Variants in EPC2 observed in about 807,000 individuals in gnomAD.
The protein encoded by EPC2 is enhancer of polycomb 2.
Under a neutral mutation model 92.1 loss-of-function variants are expected in EPC2, and 14 were observed. The ratio of observed to expected loss-of-function variants is 0.15; its 90% CI spans 0.10 to 0.24. The LOEUF (loss-of-function observed/expected upper bound fraction) is 0.24. EPC2 is among the 10% of genes least tolerant of loss of function. The pLI, the probability that EPC2 is intolerant of heterozygous loss-of-function variation, is 1.00. For missense variants in EPC2, 755 were observed against 971.5 expected, an observed-to-expected ratio of 0.78 and a Z score of 2.96; for synonymous variants, 340 against 334.7, an observed-to-expected ratio of 1.02 and a Z score of -0.17.
At chr2:148,766,047 A>G (rs922979617) in intron 7 of EPC2, among the ~76,000 whole-genome samples, 5 of 152,212 alleles carry the variant, frequency 3.3e-5, no homozygotes, top group African/African-American at 1.2e-4. Context: ...AAAACAAACA[A>G]GCAAACAAAA....
intron 4 of EPC2, among the ~76,000 whole-genome samples, chr2:148,761,208 C>G (rs1416589060): frequency 6.6e-6 from 1 of 152,176 alleles, no homozygotes; most frequent in East Asian, 1.9e-4. Flanking sequence ...TGGAGTGTTA[C>G]ATTTACATTG....
At chr2:148,756,923 C>T (rs1683201131) in intron 4 of EPC2, among the ~76,000 whole-genome samples, 1 of 152,092 alleles carries the variant, frequency 6.6e-6, no homozygotes, top group African/African-American at 2.4e-5. Flanking sequence ...GCAGCAAGTA[C>T]AGAACTGTAA....
intron 1 of EPC2, among the ~76,000 whole-genome samples, chr2:148,645,854 G>T (rs1211710684): frequency 6.6e-6 from 1 of 152,240 alleles, no homozygotes; most frequent in East Asian, 1.9e-4. Flanking sequence ...TGCTCCGTGC[G>T]CAACGTTAGA....
intron 3 of EPC2, among the ~76,000 whole-genome samples, chr2:148,746,618 G>A (rs943385567): frequency 6.6e-6 from 1 of 152,072 alleles, no homozygotes; most frequent in African/African-American, 2.4e-5. Context: ...ATGCTATGAA[G>A]ATTATTTTTG....
At chr2:148,671,315 TA>T (rs1247525015) in intron 1 of EPC2, among the ~76,000 whole-genome samples, 1 of 147,372 alleles carries the variant, frequency 6.8e-6, no homozygotes, top group Non-Finnish European at 1.5e-5. Context: ...TTTGTAGCAT[TA>T]AAAAGTCATC....
At chr2:148,710,015 A>C (rs534673373) in intron 2 of EPC2, among the ~76,000 whole-genome samples, 2 of 151,992 alleles carry the variant, frequency 1.3e-5, no homozygotes, top group Non-Finnish European at 2.9e-5. Context: ...ATTAAACTAA[A>C]GAGCTTCTGC....
Position 148,786,346 on chromosome 2 carries a change from C to T in EPC2, c.2393C>T (p.Ala798Val). The part of the protein sequence containing the change: ...EPERLGLNGI[A>V]ETTVAMEVT ...GAAAGATTGGGCTTAAATGGAATAG[C>T]AGAGACAACAGTAGCTATGGAAGTG... Residue 798 changes from alanine (A) to valine (V), a missense_variant, in exon 14 of 14, where the codon GCA (alanine) becomes GTA (valine). Transcript: ENST00000258484. 6.2e-7 allele frequency: 1 copy of T among 1,611,500 alleles called. No homozygotes were observed. The highest frequency in any genetic ancestry group is 1.3e-5 in the African/African-American group (1 of 75,002).
At chr2:148,737,947 T>C (rs757329444) in intron 2 of EPC2, among the ~76,000 whole-genome samples, 14 of 152,174 alleles carry the variant, frequency 9.2e-5, no homozygotes, top group Non-Finnish European at 1.9e-4. Context: ...TCTGAGTCTT[T>C]AGATGGGGCC....
intron 1 of EPC2, among the ~76,000 whole-genome samples, chr2:148,654,471 A>C (rs185797998): frequency 3.9e-5 from 6 of 152,284 alleles, no homozygotes; most frequent in Non-Finnish European, 7.3e-5. Context: ...CAGCTTGGGC[A>C]ACATAGTATG....
chr2:148,727,468 A>G (rs1682522334), intron 2 of EPC2, among the ~76,000 whole-genome samples: 1 of 152,218 alleles, frequency 6.6e-6, no homozygotes, highest in Non-Finnish European at 1.5e-5. Context: ...TAAATACTCT[A>G]TTTAACTTTT....
intron 1 of EPC2, among the ~76,000 whole-genome samples, chr2:148,668,252 A>G (rs1681091429): frequency 6.6e-6 from 1 of 152,110 alleles, no homozygotes; most frequent in Non-Finnish European, 1.5e-5. Flanking sequence ...AGTTACATTT[A>G]TTTTGAATGT....
At chr2:148,707,900 G>T (rs1394655139) in intron 2 of EPC2, among the ~76,000 whole-genome samples, 3 of 152,216 alleles carry the variant, frequency 2.0e-5, no homozygotes, top group African/African-American at 7.2e-5. Context: ...AAGCAGGAAA[G>T]ATCTAAAATT....
chr2:148,732,569 T>C (rs7557370), intron 2 of EPC2, among the ~76,000 whole-genome samples: 96,316 of 151,680 alleles, frequency 0.63, 33,155 homozygotes, highest in Non-Finnish European at 0.79. Context: ...TTTGTAAAGA[T>C]GGGATTTCAC....
chr2:148,775,005 C>T (rs566193284), intron 10 of EPC2, among the ~76,000 whole-genome samples: 14 of 150,762 alleles, frequency 9.3e-5, no homozygotes, highest in Admixed American at 4.6e-4. Flanking sequence ...AGGAGAATGG[C>T]GTGAACCCGG....
intron 4 of EPC2, among the ~76,000 whole-genome samples, chr2:148,756,359 C>T (rs534355751): frequency 3.9e-5 from 6 of 152,074 alleles, no homozygotes; most frequent in Non-Finnish European, 5.9e-5. Context: ...TGATTTGAAA[C>T]GAGAAAAATG....
In EPC2 at chr2:148,644,972, CG is replaced by C; in HGVS notation, c.-45del. 6.6e-7 allele frequency: 1 copy of C among 1,525,112 alleles called. No homozygotes were observed. The highest frequency in any genetic ancestry group is 8.8e-7 in the Non-Finnish European group (1 of 1,129,992). The allele number at this position is 1,525,112 out of a possible 1,614,324, so 94.5% of individuals were successfully genotyped here. A position where few individuals can be genotyped will look rare whatever the true frequency, so the allele number is the denominator to read the frequency against. ...CGGGAGTCCTCCCCCCCTCCCCGCC[CG>C]CCCCGCCGCCGCCGCCCGGGCTGTT... On this transcript the variant is annotated 5_prime_UTR_variant, in exon 1 of 14. Coordinates refer to ENST00000258484, the MANE Select transcript of EPC2 (RefSeq NM_015630.4).
chr2:148,685,190 T>G (rs1021893001), intron 1 of EPC2, among the ~76,000 whole-genome samples: 13 of 152,306 alleles, frequency 8.5e-5, no homozygotes, highest in Middle Eastern at 3.4e-3. Context: ...TTATTAACTT[T>G]GTCCGTGGTG....
intron 1 of EPC2, among the ~76,000 whole-genome samples, chr2:148,662,144 G>T (rs917609106): frequency 6.6e-6 from 1 of 152,114 alleles, no homozygotes; most frequent in East Asian, 1.9e-4. Context: ...TTAGAATGAC[G>T]ATCATTAAAA....
rs75203115 is a variant in EPC2 at position 148,732,863 on chromosome 2, A to G, written c.314-10759A>G. Among the ~76,000 whole-genome samples the G allele has an allele frequency of 9.9e-3, 1,494 of 151,326 alleles. 26 individuals are homozygous for G. Among genetic ancestry groups the G allele is most frequent in the East Asian group, 0.081 (414 of 5,116 alleles). ...AAGGATTTTTTTAGGAATATCTATC[A>G]TGTTATAGCAGACATATTTGTATTT... On this transcript the variant is annotated intron_variant, in intron 2 of 13. Transcript: ENST00000258484.
Sources: gnomAD v4.1 joint callset for allele counts (sites outside exome capture counted in the v4.1 genomes callset) on GRCh38, gnomAD v4.1.1 for gene constraint, MANE v1.5 for transcripts, NCBI Gene and HGNC (gene_info 2026-07-23, HGNC 2026-07-21) for gene names.